The following CHD1 variants were observed in gnomAD, a reference collection of about 807,000 sequenced individuals.
The protein encoded by CHD1 is ATP-dependent chromatin remodeler CHD1.
In CHD1, 36 loss-of-function variants were observed where a neutral mutation model predicts 224.2. The observed-to-expected ratio is 0.16, with a 90% CI of 0.12 to 0.21. CHD1 has a LOEUF of 0.21. Ranked by LOEUF, CHD1 falls within the 10% of genes least tolerant of loss-of-function variation. CHD1 has a pLI of 1.00. For synonymous variants in CHD1, 668 were observed against 658.3 expected (o/e 1.01, Z -0.23); for missense variants, 1,378 against 1,994.8 (o/e 0.69, Z 5.89).
intron 33 of CHD1, among the ~76,000 whole-genome samples, chr5:98,859,519 G>A (rs987629996): frequency 6.6e-6 from 1 of 152,098 alleles, no homozygotes; most frequent in African/African-American, 2.4e-5. Context: ...TAGAAGAGTA[G>A]CAGACAGTTA....
chr5:98,917,384 C>T (rs536004961), intron 2 of CHD1, among the ~76,000 whole-genome samples: 2 of 151,146 alleles, frequency 1.3e-5, no homozygotes, highest in Non-Finnish European at 2.9e-5. Context: ...TGATTGGCCA[C>T]AGATTTTAGT....
intron 25 of CHD1, 113 bp downstream of exon 25, chr5:98,874,959 G>C (rs1018337421): frequency 1.6e-6 from 1 of 628,954 alleles, no homozygotes; most frequent in African/African-American, 1.9e-5. Flanking sequence ...TTTTGTAAAT[G>C]CCGATTAAAA....
chr5:98,887,072 C>A (rs867496601), intron 17 of CHD1, among the ~76,000 whole-genome samples: 1 of 152,046 alleles, frequency 6.6e-6, no homozygotes, highest in Non-Finnish European at 1.5e-5. Context: ...AACCACCTGT[C>A]GAACAATTAT....
chr5:98,862,665 A>G (rs1748567193), intron 32 of CHD1, among the ~76,000 whole-genome samples: 1 of 152,208 alleles, frequency 6.6e-6, no homozygotes, highest in African/African-American at 2.4e-5. Flanking sequence ...AGAAAGCAGA[A>G]AAGGTAGACA....
rs959672214 is a variant in CHD1, at chr5:98,876,444, T to C, written c.3352A>G (p.Ile1118Val). The change falls in exon 24 of 36, where the codon ATT becomes GTT. Residue 1118 changes from isoleucine to valine, a missense_variant. By Grantham distance (29) the Ile-to-Val change is conservative. Transcript: ENST00000614616. ...RPKKRGRPRTIPRENIKGFSD... is the reference protein window; with the variant it reads ...RPKKRGRPRTVPRENIKGFSD... The stretch of plus-strand genomic sequence containing the variant: ...AATCCTTTAATATTCTCCCGAGGAA[T>C]AGTCCGTGGTCTTCCACGTTTCTTT... The C allele has an allele frequency of 3.1e-6, 5 of 1,614,052 alleles. No individual in the cohort carries two copies. Among genetic ancestry groups the C allele is most frequent in the African/African-American group, 1.3e-5 (1 of 74,946 alleles).
At position 98,876,426 on chromosome 5, in the gene CHD1, T is replaced by C; in HGVS notation, c.3370A>G (p.Lys1124Glu). 6.2e-7 allele frequency: 1 copy of C among 1,614,054 alleles called. No individual in the cohort carries two copies. Among genetic ancestry groups the C allele is most frequent in the Non-Finnish European group, 8.5e-7 (1 of 1,179,924 alleles). ...RPRTIPRENIKGFSDAEIRRF... is the reference protein window; with the variant it reads ...RPRTIPRENIEGFSDAEIRRF... ...CTAATTTCTGCATCACTAAATCCTTTAATATTCTCCCGAGGAATAGTCCGT... is the reference window on the plus strand; with the variant it reads ...CTAATTTCTGCATCACTAAATCCTTCAATATTCTCCCGAGGAATAGTCCGT... Residue 1124 changes from lysine (K) to glutamate (E), a missense_variant, in exon 24 of 36, where the codon AAA becomes GAA. By Grantham distance (56) the Lys-to-Glu change is moderately conservative. This residue lies in a region of CHD1 where 286 missense variants were observed against 445.1 expected (regional missense o/e 0.64). Coordinates refer to ENST00000614616, the MANE Select transcript of CHD1 (RefSeq NM_001270.4).
chr5:98,911,751 A>C (rs976728432), intron 2 of CHD1, among the ~76,000 whole-genome samples: 2 of 152,196 alleles, frequency 1.3e-5, no homozygotes, highest in African/African-American at 2.4e-5. Context: ...AATACCAGAA[A>C]AACCCAAATT....
At chr5:98,897,805 G>C (rs551353048) in intron 10 of CHD1, among the ~76,000 whole-genome samples, 9 of 152,282 alleles carry the variant, frequency 5.9e-5, no homozygotes, top group Admixed American at 3.9e-4. Context: ...AGAAAGTATT[G>C]TGCAAGGTAG....
intron 2 of CHD1, among the ~76,000 whole-genome samples, chr5:98,915,183 A>T (rs1361464648): frequency 3.3e-5 from 5 of 152,262 alleles, no homozygotes; most frequent in Non-Finnish European, 7.3e-5. Context: ...AAAAGGTTTC[A>T]GAAAACCTGG....
Position 98,882,079 on chromosome 5 carries a change from ATCT to A in CHD1, c.2760_2762del (p.Glu920del). On this transcript the variant is annotated inframe_deletion, in exon 20 of 36. Transcript: ENST00000614616. The stretch of plus-strand genomic sequence containing the variant: ...TCTTCTTTTTCGCCCTTTCAAGAAT[ATCT>A]TCTTCAACTGATCCCTTTGTAACTA... 1 of 1,613,620 alleles carries A rather than the reference ATCT, an allele frequency of 6.2e-7. No individual in the cohort carries two copies.
chr5:98,896,316 G>A lies in CHD1; in HGVS notation c.1620C>T (p.Ser540=), dbSNP rs1751342222. ...TTTCCCTTTGCCAGGAAGTAAGAGT[G>A]GAGAGCGGTACTACCAATAAAAAAG... The part of the protein sequence containing the change: ...YGPFLLVVPL[S]TLTSWQREIQ... Residue 540 remains serine, a synonymous_variant, in exon 12 of 36, where the codon TCC becomes TCT. Coordinates refer to ENST00000614616, the MANE Select transcript of CHD1 (RefSeq NM_001270.4). 1.2e-6 allele frequency: 2 copies of A among 1,613,858 alleles called. No individual in the cohort carries two copies. Among genetic ancestry groups the A allele is most frequent in the Non-Finnish European group, 1.7e-6 (2 of 1,179,898 alleles).
At chr5:98,925,327 G>C (rs746135454) in intron 2 of CHD1, among the ~76,000 whole-genome samples, 18 of 152,186 alleles carry the variant, frequency 1.2e-4, no homozygotes, top group Admixed American at 1.3e-4. Context: ...CAACTTTTGA[G>C]TTCAAGTGAT....
Position 98,855,668 on chromosome 5 carries a change from ATTTTTT to A in CHD1, c.*706_*711del, listed in dbSNP as rs34796114. ...ATCATTAAAAAGTGTTATTACACTG[ATTTTTT>A]TTTTTTTAATAAGAAGGCCTGAGTT... is the stretch of plus-strand genomic sequence containing the variant. On this transcript the variant is annotated 3_prime_UTR_variant, in exon 36 of 36. Transcript: ENST00000614616. The A allele has an allele frequency of 1.4e-5, 2 of 145,756 alleles. No individual in the cohort carries two copies. The highest frequency in any genetic ancestry group is 5.0e-5 in the African/African-American group (2 of 39,998). 9.0% of individuals were successfully genotyped at this position (145,756 alleles called of 1,614,324 possible).
chr5:98,877,975 A>T (rs969561861), intron 23 of CHD1, among the ~76,000 whole-genome samples: 6 of 152,224 alleles, frequency 3.9e-5, no homozygotes, highest in Admixed American at 3.9e-4. Flanking sequence ...GTAAGGATAT[A>T]CAGGAGATTA....
chr5:98,919,781 G>A (rs537270396), intron 2 of CHD1, among the ~76,000 whole-genome samples: 5 of 152,258 alleles, frequency 3.3e-5, no homozygotes, highest in South Asian at 2.1e-4. Context: ...CTATAGATAC[G>A]TAGGTATACA....
rs140416394 is a variant in CHD1, at chr5:98,928,971, G to T, written c.-581C>A. 5.6e-3 allele frequency: 862 copies of T among 153,326 alleles called. 6 individuals are homozygous for T. The highest frequency in any genetic ancestry group is 0.024 in the East Asian group (123 of 5,168). The allele number at this position is 153,326 out of a possible 1,614,324, so 9.5% of individuals were successfully genotyped here. A position where few individuals can be genotyped will look rare whatever the true frequency, so the allele number is the denominator to read the frequency against. On this transcript the variant is annotated 5_prime_UTR_variant, in exon 1 of 36. Coordinates refer to ENST00000614616, the MANE Select transcript of CHD1 (RefSeq NM_001270.4). Reference sequence around the variant, plus strand: ...CCTCCGCCTCCCGCGCGACGTAAGCGCCTCTGCTCACTCCCCTTCCCGACA... The same window carrying T: ...CCTCCGCCTCCCGCGCGACGTAAGCTCCTCTGCTCACTCCCCTTCCCGACA...
chr5:98,904,955 G>A lies in CHD1; in HGVS notation c.197C>T (p.Ser66Leu). ...SESGSQSESESDTSRENKVQA... is the reference protein window; with the variant it reads ...SESGSQSESELDTSRENKVQA... The stretch of plus-strand genomic sequence containing the variant: ...AACTTTGTTTTCTCGGGAAGTGTCT[G>A]ACTCAGACTCTGACTGACTGCCTGA... The change falls in exon 3 of 36, where the codon TCA becomes TTA. Residue 66 changes from serine to leucine, a missense_variant. Physicochemically the swap from Ser to Leu is moderately radical, Grantham distance 145. This residue lies in a region of CHD1 where 306 missense variants were observed against 298.1 expected (regional missense o/e 1.03). Coordinates refer to ENST00000614616, the MANE Select transcript of CHD1 (RefSeq NM_001270.4). 6.2e-7 allele frequency: 1 copy of A among 1,613,036 alleles called. No homozygotes were observed. The highest frequency in any genetic ancestry group is 1.1e-5 in the South Asian group (1 of 91,058).
Position 98,858,974 on chromosome 5 carries a change from A to C in CHD1, c.4566T>G (p.Ile1522Met). Reference sequence around the variant, plus strand: ...GTAAGGCTTACATACCTGGATTTCTAATCACGTGAGGATTCAAGTTGCTGT... The same window carrying C: ...GTAAGGCTTACATACCTGGATTTCTCATCACGTGAGGATTCAAGTTGCTGT... ...DQNSNLNPHV[I>M]RNPDVERLKE... Residue 1522 changes from isoleucine (I) to methionine (M), a missense_variant, in exon 34 of 36, where the codon ATT becomes ATG. Physicochemically the swap from Ile to Met is conservative, Grantham distance 10. Transcript: ENST00000614616. 1.3e-6 allele frequency: 2 copies of C among 1,552,854 alleles called. No homozygotes were observed. The highest frequency in any genetic ancestry group is 1.4e-5 in the African/African-American group (1 of 70,800).
At chr5:98,876,355 T>C in intron 24 of CHD1, 43 bp downstream of exon 24, 1 of 1,561,856 alleles carries the variant, frequency 6.4e-7, no homozygotes, top group Non-Finnish European at 8.7e-7. Flanking sequence ...AGTTTCACAC[T>C]CTACTAAAAC....
Sources: allele counts gnomAD v4.1 joint callset (sites outside exome capture counted in the v4.1 genomes callset), GRCh38; gene constraint gnomAD v4.1.1; regional missense constraint gnomAD v4.1.1; transcripts MANE v1.5; gene names NCBI Gene and HGNC (gene_info 2026-07-23, HGNC 2026-07-21).